FAM110B: variants seen among roughly 807,000 people sequenced by gnomAD.
FAM110B encodes the protein protein FAM110B.
A neutral mutation model predicts 20.4 loss-of-function variants in FAM110B; 6 were observed. The ratio of observed to expected loss-of-function variants is 0.29; its 90% CI spans 0.16 to 0.58. FAM110B has a LOEUF of 0.58. Ranked by LOEUF, FAM110B falls within the 20% of genes least tolerant of loss-of-function variation. FAM110B has a pLI of 0.90. For missense variants in FAM110B, 434 were observed against 498.2 expected, an observed-to-expected ratio of 0.87 and a Z score of 1.23; for synonymous variants, 226 against 214.1, an observed-to-expected ratio of 1.06 and a Z score of -0.49.
At chr8:58,142,628 G>A (rs1018216660) in intron 3 of FAM110B, among the ~76,000 whole-genome samples, 3 of 151,172 alleles carry the variant, frequency 2.0e-5, no homozygotes, top group Non-Finnish European at 4.4e-5. Flanking sequence ...CTGATTCAGC[G>A]AACCATTAGC....
chr8:58,006,558 C>T (rs541063068), intron 1 of FAM110B, among the ~76,000 whole-genome samples: 11 of 151,804 alleles, frequency 7.2e-5, no homozygotes, highest in African/African-American at 2.7e-4. Flanking sequence ...TAAAACTTCT[C>T]ACTAAGGACA....
intron 3 of FAM110B, among the ~76,000 whole-genome samples, chr8:58,106,954 A>G (rs1221572034): frequency 1.3e-5 from 2 of 152,222 alleles, no homozygotes; most frequent in African/African-American, 4.8e-5. Flanking sequence ...TTTGACAAAA[A>G]GTTTTAAAAG....
chr8:58,012,617 T>C (rs2150566322), intron 1 of FAM110B, among the ~76,000 whole-genome samples: 1 of 152,288 alleles, frequency 6.6e-6, no homozygotes, highest in Admixed American at 6.5e-5. Context: ...ATGAAAATGG[T>C]TTGCTCCGGG....
chr8:58,007,547 A>T (rs1804435755), intron 1 of FAM110B, among the ~76,000 whole-genome samples: 1 of 152,072 alleles, frequency 6.6e-6, no homozygotes, highest in Non-Finnish European at 1.5e-5. Context: ...CCTCAAGGGG[A>T]TGGTATTCAG....
At chr8:57,997,791 C>T (rs1585797794) in intron 1 of FAM110B, among the ~76,000 whole-genome samples, 1 of 152,166 alleles carries the variant, frequency 6.6e-6, no homozygotes, top group Non-Finnish European at 1.5e-5. Context: ...TTCATAATAA[C>T]AGTTATCTCT....
chr8:58,048,465 G>A (rs868735667), intron 2 of FAM110B, among the ~76,000 whole-genome samples: 1 of 152,026 alleles, frequency 6.6e-6, no homozygotes, highest in Admixed American at 6.6e-5. Flanking sequence ...CCAAGGCATT[G>A]GTGTCTTCCT....
At chr8:58,135,130 T>A (rs925384391) in intron 3 of FAM110B, among the ~76,000 whole-genome samples, 2 of 152,252 alleles carry the variant, frequency 1.3e-5, no homozygotes, top group African/African-American at 4.8e-5. Flanking sequence ...TATGAAGCCC[T>A]TGCCCCTCCA....
intron 1 of FAM110B, among the ~76,000 whole-genome samples, chr8:58,008,934 C>G (rs1159210883): frequency 6.6e-6 from 1 of 152,212 alleles, no homozygotes; most frequent in East Asian, 1.9e-4. Context: ...CCTCTCCTGT[C>G]TGGCTCCTCT....
intron 2 of FAM110B, among the ~76,000 whole-genome samples, chr8:58,055,567 G>A (rs1187468023): frequency 6.6e-6 from 1 of 152,158 alleles, no homozygotes; most frequent in Non-Finnish European, 1.5e-5. Flanking sequence ...TTACTGTTTT[G>A]TATGTTTTTC....
chr8:58,076,631 A>G (rs1806044562), intron 3 of FAM110B, among the ~76,000 whole-genome samples: 1 of 152,228 alleles, frequency 6.6e-6, no homozygotes, highest in South Asian at 2.1e-4. Flanking sequence ...CAAAGTACAG[A>G]TGATTCCCTC....
chr8:58,070,802 T>C (rs1805881024), intron 2 of FAM110B, among the ~76,000 whole-genome samples: 1 of 152,222 alleles, frequency 6.6e-6, no homozygotes, highest in Non-Finnish European at 1.5e-5. Context: ...GGCAGTGACT[T>C]TCCTGATGTT....
At chr8:58,009,242 G>A (rs946370236) in intron 1 of FAM110B, among the ~76,000 whole-genome samples, 26 of 152,174 alleles carry the variant, frequency 1.7e-4, no homozygotes, top group African/African-American at 4.6e-4. Flanking sequence ...ATTATATCTC[G>A]GGTGTTGAAG....
intron 1 of FAM110B, among the ~76,000 whole-genome samples, chr8:58,012,906 C>A (rs1804567519): frequency 6.6e-6 from 1 of 152,266 alleles, no homozygotes; most frequent in African/African-American, 2.4e-5. Flanking sequence ...TTCCTGGAAT[C>A]TGAGGTCTTA....
intron 1 of FAM110B, among the ~76,000 whole-genome samples, chr8:58,005,794 G>A (rs773412369): frequency 2.0e-5 from 3 of 152,122 alleles, no homozygotes; most frequent in African/African-American, 7.2e-5. Context: ...CAGTTACTTC[G>A]TACAATTACA....
chr8:58,062,469 T>C (rs955183437), intron 2 of FAM110B, among the ~76,000 whole-genome samples: 2 of 152,166 alleles, frequency 1.3e-5, no homozygotes, highest in Non-Finnish European at 2.9e-5. Flanking sequence ...AATTGGTCTC[T>C]AGATATAATA....
intron 2 of FAM110B, chr8:58,032,422 C>G (rs1804982679): frequency 6.6e-6 from 1 of 152,196 alleles, no homozygotes; most frequent in Non-Finnish European, 1.5e-5. Context: ...CAACTTTCTA[C>G]TCAAAAGCCA....
intron 1 of FAM110B, among the ~76,000 whole-genome samples, chr8:58,006,923 A>ATATATATTTTTTTTTTTTTT: frequency 8.7e-5 from 11 of 126,536 alleles, no homozygotes; most frequent in African/African-American, 2.1e-4. Context: ...ATATATATAT[A>ATATATATTTTTTTTTTTTTT]TTTTTCCAAA....
chr8:58,029,230 A>T (rs1291465979), intron 1 of FAM110B, among the ~76,000 whole-genome samples: 1 of 152,214 alleles, frequency 6.6e-6, no homozygotes, highest in East Asian at 1.9e-4. Flanking sequence ...TGTGTATAGA[A>T]CACCTATGTT....
intron 3 of FAM110B, among the ~76,000 whole-genome samples, chr8:58,134,949 A>G (rs951751096): frequency 6.6e-6 from 1 of 152,212 alleles, no homozygotes; most frequent in African/African-American, 2.4e-5. Context: ...GTGAATGGTC[A>G]AAAGAGTAGA....
Sources: gnomAD v4.1 joint callset for allele counts (sites outside exome capture counted in the v4.1 genomes callset) on GRCh38, gnomAD v4.1.1 for gene constraint, MANE v1.5 for transcripts, NCBI Gene and HGNC (gene_info 2026-07-23, HGNC 2026-07-21) for gene names.